Variants in PRKN observed in about 807,000 individuals in gnomAD.
The protein encoded by PRKN is E3 ubiquitin-protein ligase parkin.
In PRKN, 56 loss-of-function variants were observed where a neutral mutation model predicts 59.5. That is an observed-to-expected ratio of 0.94 (90% CI 0.76 to 1.18). The LOEUF (loss-of-function observed/expected upper bound fraction) is 1.18, where lower values mean the gene tolerates loss of function less well. Ranked by LOEUF, PRKN falls within the 50% of genes most tolerant of loss-of-function variation. PRKN has a pLI of 0.00. For missense variants in PRKN, 657 were observed against 596.4 expected (o/e 1.10, Z -1.06); for synonymous variants, 250 against 222.1 (o/e 1.13, Z -1.12).
intron 4 of PRKN, among the ~76,000 whole-genome samples, chr6:162,136,647 G>C (rs1781572997): frequency 6.6e-6 from 1 of 152,146 alleles, no homozygotes; most frequent in South Asian, 2.1e-4. Context: ...GATGATATTT[G>C]GCAAGTGTTC....
chr6:161,947,757 T>A (rs1779835658), intron 6 of PRKN, among the ~76,000 whole-genome samples: 1 of 152,236 alleles, frequency 6.6e-6, no homozygotes, highest in Admixed American at 6.5e-5. Flanking sequence ...ATTTTTTAAA[T>A]GAGCTGCCTT....
chr6:161,488,334 C>T lies in PRKN; in HGVS notation c.1083+60520G>A, dbSNP rs73591603. ...TCGGGCCGAGGACAGAAGGCCAGGT[C>T]ACATAGGTCTTTGTAGTGTGAGAAG... is the stretch of plus-strand genomic sequence containing the variant. On this transcript the variant is annotated intron_variant, in intron 9 of 11. Transcript: ENST00000366898. The surrounding 1 kb of genome is among the most constrained non-coding windows in gnomAD (Gnocchi z 4.5). 0.031 allele frequency among the ~76,000 whole-genome samples: 4,752 copies of T among 152,198 alleles called. 229 individuals carry two copies. Among genetic ancestry groups the T allele is most frequent in the African/African-American group, 0.11 (4,536 of 41,508 alleles).
rs1450486792 is a variant in PRKN at position 161,442,234 on chromosome 6, AAGG to A, written c.1084-55360_1084-55358del. Among the ~76,000 whole-genome samples, 1 of 152,186 alleles carries A rather than the reference AAGG, an allele frequency of 6.6e-6. No individual in the cohort carries two copies. Among genetic ancestry groups the A allele is most frequent in the Non-Finnish European group, 1.5e-5 (1 of 68,040 alleles). On this transcript the variant is annotated intron_variant, in intron 9 of 11. Transcript: ENST00000366898. This position sits in a 1 kb window ranked among gnomAD's most constrained non-coding sequence, Gnocchi z 4.6. ...GTAAACTTCAATTTCTCTGAAATTG[AAGG>A]AGAATTATTTCTCCACTTCAAAAGT...
In PRKN at chr6:162,152,456, A is replaced by G. The variant is rs1003305738; in HGVS notation, c.534+48675T>C. 2.6e-5 allele frequency among the ~76,000 whole-genome samples: 4 copies of G among 152,300 alleles called. No individual in the cohort carries two copies. The East Asian group carries it at 7.7e-4, about 29-fold the overall frequency. On this transcript the variant is annotated intron_variant, in intron 4 of 11. Transcript: ENST00000366898. ...GGCCCGCTATCATTTCTCTATAGGT[A>G]AGCCCTATCTCCTCAATCAAGGTCA...
chr6:161,754,965 T>C (rs1325720624), intron 7 of PRKN, among the ~76,000 whole-genome samples: 2 of 152,062 alleles, frequency 1.3e-5, no homozygotes, highest in Non-Finnish European at 2.9e-5. Flanking sequence ...GGGGGAGAAA[T>C]AGTCCCAGGG....
rs947211903 is a variant in PRKN at position 161,755,888 on chromosome 6, G to A, written c.871+29884C>T. On this transcript the variant is annotated intron_variant, in intron 7 of 11. Transcript: ENST00000366898. The stretch of plus-strand genomic sequence containing the variant: ...CTCTCCCCTACAGGCCAGCACAAGT[G>A]GCTACTGCCCTCTGTTGCCAATAGA... Among the ~76,000 whole-genome samples the A allele has an allele frequency of 2.0e-4, 31 of 152,062 alleles. 1 individual carries two copies. The highest frequency in any genetic ancestry group is 2.9e-5 in the Non-Finnish European group (2 of 68,032).
At chr6:162,440,709 A>T (rs1790010667) in intron 2 of PRKN, among the ~76,000 whole-genome samples, 1 of 152,244 alleles carries the variant, frequency 6.6e-6, no homozygotes, top group African/African-American at 2.4e-5. Flanking sequence ...CAAGGTGTAT[A>T]TTTAACATTC....
chr6:161,619,981 C>CTTTTTTTTTT (rs71004058), intron 7 of PRKN, among the ~76,000 whole-genome samples: 4 of 63,122 alleles, frequency 6.3e-5, no homozygotes, highest in Non-Finnish European at 1.0e-4. Flanking sequence ...ACACATTATT[C>CTTTTTTTTTT]TTTTTTTTTT....
chr6:161,828,348 A>G (rs1412800490), intron 6 of PRKN, among the ~76,000 whole-genome samples: 1 of 152,218 alleles, frequency 6.6e-6, no homozygotes, highest in Non-Finnish European at 1.5e-5. Flanking sequence ...ATCTTATTTG[A>G]GTGAATCTTT....
chr6:161,872,828 G>A (rs1041976392), intron 6 of PRKN, among the ~76,000 whole-genome samples: 3 of 152,042 alleles, frequency 2.0e-5, no homozygotes, highest in Non-Finnish European at 4.4e-5. Context: ...AATCCCAGAG[G>A]AGAAGGAGAC....
intron 6 of PRKN, among the ~76,000 whole-genome samples, chr6:161,903,632 A>G (rs1352557654): frequency 6.6e-6 from 1 of 152,062 alleles, no homozygotes. Flanking sequence ...CTCATATTTT[A>G]TTCCTAACAA....
intron 2 of PRKN, among the ~76,000 whole-genome samples, chr6:162,415,894 G>A (rs974791082): frequency 2.0e-5 from 3 of 152,110 alleles, no homozygotes; most frequent in African/African-American, 7.2e-5. Flanking sequence ...TGACTAATGG[G>A]AGATCTTCAT....
chr6:161,882,874 G>A (rs1794990523), intron 6 of PRKN, among the ~76,000 whole-genome samples: 1 of 151,710 alleles, frequency 6.6e-6, no homozygotes, highest in Non-Finnish European at 1.5e-5. Context: ...GTGTGGTGGC[G>A]GGTGCTTGTA....
chr6:161,899,858 C>A (rs1345038687), intron 6 of PRKN, among the ~76,000 whole-genome samples: 3 of 152,194 alleles, frequency 2.0e-5, no homozygotes, highest in African/African-American at 7.2e-5. Flanking sequence ...CCAGGCGGCT[C>A]TTGCCTGTAA....
rs927112537 is a variant in PRKN at position 162,124,087 on chromosome 6, C to A, written c.535-69913G>T. ...TAGTCCAAGCACCAGCTGTTGTTTC[C>A]AGCCTCTAGTTAGTTTTAAGCAAGG... On this transcript the variant is annotated intron_variant, in intron 4 of 11. Coordinates refer to ENST00000366898, the MANE Select transcript of PRKN (RefSeq NM_004562.3). Among the ~76,000 whole-genome samples, 6 of 152,214 alleles carry A rather than the reference C, an allele frequency of 3.9e-5. No individual in the cohort carries two copies. In the South Asian group the frequency reaches 6.2e-4, roughly 16 times the overall value.
Position 161,547,435 on chromosome 6 carries a change from T to C in PRKN, c.1083+1419A>G, listed in dbSNP as rs1389763044. Among the ~76,000 whole-genome samples, 1 of 152,170 alleles carries C rather than the reference T, an allele frequency of 6.6e-6. No homozygotes were observed. The highest frequency in any genetic ancestry group is 2.4e-5 in the African/African-American group (1 of 41,440). Reference sequence around the variant, plus strand: ...AAGGGAAGATAAAGATATTCAAGATTTCACATTACATAAACCCTTCAACAT... The same window carrying C: ...AAGGGAAGATAAAGATATTCAAGATCTCACATTACATAAACCCTTCAACAT... On this transcript the variant is annotated intron_variant, in intron 9 of 11. Coordinates refer to ENST00000366898, the MANE Select transcript of PRKN (RefSeq NM_004562.3). This position sits in a 1 kb window ranked among gnomAD's most constrained non-coding sequence, Gnocchi z 4.0.
intron 4 of PRKN, among the ~76,000 whole-genome samples, chr6:162,198,576 G>A (rs1025494680): frequency 1.3e-5 from 2 of 151,974 alleles, no homozygotes; most frequent in African/African-American, 4.8e-5. Flanking sequence ...TCGTAAATGA[G>A]CTAATCTGCA....
At chr6:162,005,394 T>C (rs1399613060) in intron 5 of PRKN, among the ~76,000 whole-genome samples, 1 of 152,222 alleles carries the variant, frequency 6.6e-6, no homozygotes, top group Non-Finnish European at 1.5e-5. Flanking sequence ...TGGTAAGACA[T>C]TTTATCATAT....
intron 2 of PRKN, among the ~76,000 whole-genome samples, chr6:162,352,554 A>T (rs550458468): frequency 6.6e-6 from 1 of 152,296 alleles, no homozygotes; most frequent in East Asian, 1.9e-4. Context: ...AAACTCTAAT[A>T]TGGGAGGAGA....
Sources: gnomAD v4.1 joint callset for allele counts (sites outside exome capture counted in the v4.1 genomes callset) on GRCh38, gnomAD v4.1.1 for gene constraint, Gnocchi (gnomAD v3.1) non-coding constraint, MANE v1.5 for transcripts, NCBI Gene and HGNC (gene_info 2026-07-23, HGNC 2026-07-21) for gene names.